EML4: variants seen among roughly 807,000 people sequenced by gnomAD.
EML4 encodes EMAP like 4, also known as echinoderm microtubule-associated protein-like 4.
A neutral mutation model predicts 129.0 loss-of-function variants in EML4; 72 were observed. The ratio of observed to expected loss-of-function variants is 0.56; its 90% CI spans 0.46 to 0.68. EML4 has a LOEUF of 0.68. Ranked by LOEUF, EML4 falls within the 30% of genes least tolerant of loss-of-function variation. The probability of loss-of-function intolerance (pLI) is 0.00; values close to 1 mark genes in which losing one functional copy is unlikely to be tolerated. For synonymous variants in EML4, 532 were observed against 405.0 expected (o/e 1.31, Z -3.77); for missense variants, 1,363 against 1,190.6 (o/e 1.14, Z -2.13).
chr2:42,325,700 A>C (rs1328975676), intron 20 of EML4, 146 bp downstream of exon 20: 1 of 246,884 alleles, frequency 4.1e-6, no homozygotes, highest in Non-Finnish European at 7.5e-6. Flanking sequence ...AATTGTGCAG[A>C]GAATGCTTGC....
At chr2:42,220,120 T>A (rs1255475449) in intron 1 of EML4, among the ~76,000 whole-genome samples, 2 of 152,094 alleles carry the variant, frequency 1.3e-5, no homozygotes, top group Non-Finnish European at 2.9e-5. Context: ...AAAAATTGTT[T>A]TACTTATCTA....
intron 21 of EML4, among the ~76,000 whole-genome samples, chr2:42,326,708 C>G (rs954779284): frequency 1.3e-5 from 2 of 152,066 alleles, no homozygotes; most frequent in Non-Finnish European, 2.9e-5. Context: ...ATGGTGAAAC[C>G]CTGTCTCTGC....
At chr2:42,228,453 A>G (rs1205489859) in intron 1 of EML4, among the ~76,000 whole-genome samples, 3 of 152,148 alleles carry the variant, frequency 2.0e-5, no homozygotes, top group African/African-American at 7.2e-5. Flanking sequence ...AAATAGGCTA[A>G]AACATCATGT....
chr2:42,245,701 A>G lies in EML4; in HGVS notation c.208+14A>G. 6.4e-7 allele frequency: 1 copy of G among 1,559,348 alleles called. No individual in the cohort carries two copies. Among genetic ancestry groups the G allele is most frequent in the Non-Finnish European group, 8.7e-7 (1 of 1,155,524 alleles). ...TCTCAAGTAAAGGTAATTGTGTTGT[A>G]AAGTTAAAAAGAGTCTTGCTTTTTG... On this transcript the variant is annotated intron_variant, in intron 2 of 22. Transcript: ENST00000318522.
At chr2:42,204,965 A>G (rs1477965871) in intron 1 of EML4, among the ~76,000 whole-genome samples, 1 of 152,212 alleles carries the variant, frequency 6.6e-6, no homozygotes, top group Admixed American at 6.5e-5. Context: ...TTACTATACC[A>G]TATGGTTTTA....
At chr2:42,199,265 G>A (rs1672078197) in intron 1 of EML4, among the ~76,000 whole-genome samples, 1 of 152,200 alleles carries the variant, frequency 6.6e-6, no homozygotes, top group Admixed American at 6.5e-5. Context: ...ATTCAATTGG[G>A]TAGTGGCTAT....
In EML4 at chr2:42,304,577, A is replaced by G. The variant is rs78136114; in HGVS notation, c.1967+26A>G. ...GTAGGGTCTTTAAGTGAACTGAGTAATCTGAAGTGGTGGGATGTTTAAATG... is the reference window on the plus strand; with the variant it reads ...GTAGGGTCTTTAAGTGAACTGAGTAGTCTGAAGTGGTGGGATGTTTAAATG... On this transcript the variant is annotated intron_variant, in intron 17 of 22. Transcript: ENST00000318522. 3,134 of 1,557,262 alleles carry G rather than the reference A, an allele frequency of 2.0e-3. 53 individuals carry two copies. The African/African-American group carries it at 0.038, about 19-fold the overall frequency.
Position 42,261,562 on chromosome 2 carries a change from C to T in EML4, c.512+268C>T, listed in dbSNP as rs150294109. 1.9e-3 allele frequency: 544 copies of T among 280,030 alleles called. 5 individuals are homozygous for T. The highest frequency in any genetic ancestry group is 9.8e-3 in the African/African-American group (446 of 45,610). 17.3% of individuals were successfully genotyped at this position (280,030 alleles called of 1,614,324 possible). On this transcript the variant is annotated intron_variant, in intron 4 of 22. Coordinates refer to ENST00000318522, the MANE Select transcript of EML4 (RefSeq NM_019063.5). Reference sequence around the variant, plus strand: ...GAAAAGAAGGCAGGAATAACCTAGTCGAAAACCAAACAATATTTTCTTAAC... The same window carrying T: ...GAAAAGAAGGCAGGAATAACCTAGTTGAAAACCAAACAATATTTTCTTAAC...
intron 6 of EML4, among the ~76,000 whole-genome samples, chr2:42,272,891 T>C (rs1223862141): frequency 2.0e-5 from 3 of 152,174 alleles, no homozygotes; most frequent in African/African-American, 7.2e-5. Context: ...GTTTCTATTT[T>C]AAAAAATTGG....
intron 17 of EML4, among the ~76,000 whole-genome samples, chr2:42,310,749 G>A (rs1235459846): frequency 6.6e-6 from 1 of 152,210 alleles, no homozygotes; most frequent in African/African-American, 2.4e-5. Flanking sequence ...CAGGCCCAAG[G>A]CCCAGGCCGG....
intron 1 of EML4, among the ~76,000 whole-genome samples, chr2:42,230,179 C>T (rs889989571): frequency 2.0e-5 from 3 of 152,136 alleles, no homozygotes; most frequent in African/African-American, 7.2e-5. Flanking sequence ...TTCTGAAGCA[C>T]AACCACAACA....
At chr2:42,223,749 A>C (rs1324075164) in intron 1 of EML4, among the ~76,000 whole-genome samples, 3 of 152,132 alleles carry the variant, frequency 2.0e-5, no homozygotes, top group Non-Finnish European at 4.4e-5. Context: ...CATTTTCACT[A>C]ATCTTTGGAC....
intron 1 of EML4, among the ~76,000 whole-genome samples, chr2:42,221,523 C>T (rs1558514372): frequency 6.6e-6 from 1 of 151,216 alleles, no homozygotes; most frequent in Non-Finnish European, 1.5e-5. Context: ...AATCCTCCCA[C>T]CTGAGCCTCC....
intron 1 of EML4, among the ~76,000 whole-genome samples, chr2:42,237,369 G>T (rs1572602823): frequency 1.3e-5 from 2 of 152,024 alleles, no homozygotes; most frequent in South Asian, 2.1e-4. Flanking sequence ...GTATTTTATG[G>T]TTTTTTTGGT....
chr2:42,212,510 G>A (rs1274633659), intron 1 of EML4, among the ~76,000 whole-genome samples: 1 of 151,938 alleles, frequency 6.6e-6, no homozygotes, highest in Non-Finnish European at 1.5e-5. Context: ...TTCATTGCAT[G>A]AAATAGAATA....
At chr2:42,286,072 T>C in intron 9 of EML4, 197 bp from the exon 10 acceptor site, 1 of 621,308 alleles carries the variant, frequency 1.6e-6, no homozygotes. Flanking sequence ...ATACACAAGT[T>C]ATTTGCTGCT....
In EML4 at chr2:42,184,517, C is replaced by G. The variant is rs575542692; in HGVS notation, c.25+14881C>G. Among the ~76,000 whole-genome samples, 5 of 152,164 alleles carry G rather than the reference C, an allele frequency of 3.3e-5. No individual in the cohort carries two copies. The East Asian group carries it at 7.7e-4, about 24-fold the overall frequency. ...GTCCAAGTTGTCCTGCCACCTGGCT[C>G]TCACCTACCTTTCCAGCTTCACCCC... On this transcript the variant is annotated intron_variant, in intron 1 of 22. Transcript: ENST00000318522.
chr2:42,276,093 A>G (rs1157042279), intron 6 of EML4, among the ~76,000 whole-genome samples: 2 of 152,134 alleles, frequency 1.3e-5, no homozygotes, highest in African/African-American at 4.8e-5. Flanking sequence ...GACTGGGGAG[A>G]AAAGAGGCTC....
intron 2 of EML4, among the ~76,000 whole-genome samples, chr2:42,251,715 C>T (rs1181347570): frequency 3.3e-5 from 5 of 152,164 alleles, no homozygotes; most frequent in Non-Finnish European, 2.9e-5. Context: ...ATGGAGAATT[C>T]AAGATAAATA....
Sources: allele counts gnomAD v4.1 joint callset (sites outside exome capture counted in the v4.1 genomes callset), GRCh38; gene constraint gnomAD v4.1.1; transcripts MANE v1.5; gene names NCBI Gene and HGNC (gene_info 2026-07-23, HGNC 2026-07-21).